Variants in MAPRE2 observed in about 807,000 individuals in gnomAD.
MAPRE2 encodes microtubule associated protein RP/EB family member 2, also known as microtubule-associated protein RP/EB family member 2.
MAPRE2 carries 13 observed loss-of-function variants against 43.2 expected under a neutral mutation model. That is an observed-to-expected ratio of 0.30 (90% CI 0.20 to 0.48). MAPRE2 has a LOEUF of 0.48. Among genes scored for constraint, MAPRE2 ranks in the 20% least tolerant of loss-of-function variants. The pLI, the probability that MAPRE2 is intolerant of heterozygous loss-of-function variation, is 0.99. For missense variants in MAPRE2, 161 were observed against 400.2 expected, an observed-to-expected ratio of 0.40 and a Z score of 5.10; for synonymous variants, 135 against 148.8, an observed-to-expected ratio of 0.91 and a Z score of 0.68.
At chr18:35,075,343 C>G (rs1907297547) in intron 2 of MAPRE2, among the ~76,000 whole-genome samples, 1 of 152,152 alleles carries the variant, frequency 6.6e-6, no homozygotes, top group Middle Eastern at 3.2e-3. Flanking sequence ...ATAGGTTGAT[C>G]CCAGCCTCGT....
In MAPRE2 at chr18:35,063,956, C is replaced by T. The variant is rs191728350; in HGVS notation, c.123-6239C>T. On this transcript the variant is annotated intron_variant, in intron 1 of 6. Transcript: ENST00000300249. Reference sequence around the variant, plus strand: ...GAGCCTGCAGTGAGCTATGATGGCACCACTGCACTCCAGCCTGGACTGCCG... The same window carrying T: ...GAGCCTGCAGTGAGCTATGATGGCATCACTGCACTCCAGCCTGGACTGCCG... Among the ~76,000 whole-genome samples, 10 of 141,562 alleles carry T rather than the reference C, an allele frequency of 7.1e-5. No homozygotes were observed. The East Asian group carries it at 2.1e-3, about 30-fold the overall frequency. The allele number at this position is 141,562 out of a possible 152,430, so 92.9% of individuals were successfully genotyped here.
chr18:34,997,833 A>G (rs550592939), intron 1 of MAPRE2, among the ~76,000 whole-genome samples: 1 of 152,346 alleles, frequency 6.6e-6, no homozygotes, highest in Admixed American at 6.5e-5. Context: ...ATAAACAATC[A>G]AAATGAATTA....
intron 1 of MAPRE2, among the ~76,000 whole-genome samples, chr18:34,988,408 G>A (rs968571444): frequency 6.6e-6 from 1 of 152,050 alleles, no homozygotes; most frequent in Admixed American, 6.6e-5. Flanking sequence ...CTGCTAACTG[G>A]GTGACTTTAG....
chr18:35,045,222 AGC>A (rs1905560057), intron 1 of MAPRE2, among the ~76,000 whole-genome samples: 1 of 152,212 alleles, frequency 6.6e-6, no homozygotes, highest in Non-Finnish European at 1.5e-5. Flanking sequence ...TAATTCACAG[AGC>A]GAATGAGTCG....
In MAPRE2 at chr18:34,978,603, T is replaced by G. The variant is rs1169845703; in HGVS notation, c.-70+1524T>G. 5 of 1,463,208 alleles carry G rather than the reference T, an allele frequency of 3.4e-6. No individual in the cohort carries two copies. The African/African-American group carries it at 5.6e-5, about 16-fold the overall frequency. 90.6% of individuals were successfully genotyped at this position (1,463,208 alleles called of 1,614,324 possible). The stretch of plus-strand genomic sequence containing the variant: ...CTGAACGCTAAATTTGGCCAAATTT[T>G]TATCAAGCAAAAAGGGGTATGGCTC... On this transcript the variant is annotated intron_variant, in intron 1 of 7. Transcript: ENST00000413393.
chr18:35,131,594 C>G (rs1004904659), intron 5 of MAPRE2, among the ~76,000 whole-genome samples: 1 of 152,156 alleles, frequency 6.6e-6, no homozygotes, highest in Non-Finnish European at 1.5e-5. Flanking sequence ...AACCCCATGA[C>G]AGCCACCTCC....
intron 6 of MAPRE2, among the ~76,000 whole-genome samples, chr18:35,139,605 A>G (rs1282046336): frequency 6.6e-6 from 1 of 152,234 alleles, no homozygotes; most frequent in Non-Finnish European, 1.5e-5. Flanking sequence ...GTCTAAGTAG[A>G]TGTCCCAAAG....
intron 2 of MAPRE2, among the ~76,000 whole-genome samples, chr18:35,020,130 A>T (rs542530107): frequency 1.3e-5 from 2 of 152,248 alleles, no homozygotes; most frequent in East Asian, 3.9e-4. Context: ...TTCTAAAATT[A>T]GCTGTGCTTC....
intron 6 of MAPRE2, among the ~76,000 whole-genome samples, chr18:35,136,249 T>TC (rs1163676431): frequency 6.6e-6 from 1 of 152,186 alleles, no homozygotes; most frequent in Non-Finnish European, 1.5e-5. Context: ...GGTTACCTGC[T>TC]CCCTGTGGAT....
At chr18:34,996,247 G>A (rs1451952475) in intron 1 of MAPRE2, among the ~76,000 whole-genome samples, 1 of 152,110 alleles carries the variant, frequency 6.6e-6, no homozygotes, top group Non-Finnish European at 1.5e-5. Flanking sequence ...CAGTTTTGTG[G>A]AAGACAATTT....
chr18:35,097,701 C>CTGTTGGGATATCA, intron 3 of MAPRE2, 110 bp downstream of exon 3: 2 of 923,136 alleles, frequency 2.2e-6, no homozygotes, highest in Non-Finnish European at 3.3e-6. Context: ...GATATCCCAA[C>CTGTTGGGATATCA]AGTAGGCTGG....
At chr18:35,113,460 T>G (rs578250327) in intron 4 of MAPRE2, among the ~76,000 whole-genome samples, 1 of 152,020 alleles carries the variant, frequency 6.6e-6, no homozygotes, top group African/African-American at 2.4e-5. Context: ...GTATGTACAT[T>G]GTTTTTTAAA....
rs760492138 is a variant in MAPRE2 at position 35,005,533 on chromosome 18, G to T, written c.-28G>T. 5.8e-6 allele frequency: 9 copies of T among 1,543,708 alleles called. 1 individual carries two copies. In the South Asian group the frequency reaches 1.1e-4, roughly 19 times the overall value. ...GGAACAGTTCATTTCAACAGCCAGG[G>T]AGAAAGCCTGGATGCTCAAGGTAAG... On this transcript the variant is annotated 5_prime_UTR_variant, in exon 2 of 8. Transcript: ENST00000413393.
intron 2 of MAPRE2, among the ~76,000 whole-genome samples, chr18:35,031,021 C>T (rs192362093): frequency 9.2e-5 from 14 of 152,312 alleles, no homozygotes; most frequent in Admixed American, 6.5e-4. Context: ...GGAATGTCTA[C>T]CCTGGTCACC....
intron 2 of MAPRE2, among the ~76,000 whole-genome samples, chr18:35,023,332 GA>G (rs1282018651): frequency 6.6e-6 from 1 of 151,818 alleles, no homozygotes; most frequent in African/African-American, 2.4e-5. Context: ...TGAACACTGT[GA>G]AACCCCGTCT....
chr18:35,075,881 TG>T (rs1476301097), intron 2 of MAPRE2, among the ~76,000 whole-genome samples: 1 of 152,100 alleles, frequency 6.6e-6, no homozygotes, highest in East Asian at 1.9e-4. Context: ...AGTTTATTTT[TG>T]GAGCAGGATA....
chr18:35,131,982 TTATAC>T (rs1323122555), intron 5 of MAPRE2, 45 bp from the exon 6 acceptor site: 3 of 1,583,636 alleles, frequency 1.9e-6, no homozygotes, highest in Non-Finnish European at 2.6e-6. Context: ...TGGTCATGTC[TTATAC>T]TATATTTTGG....
At chr18:35,126,400 A>G (rs560384522) in intron 4 of MAPRE2, among the ~76,000 whole-genome samples, 13 of 152,298 alleles carry the variant, frequency 8.5e-5, no homozygotes, top group South Asian at 6.2e-4. Flanking sequence ...AAGCCCTTTT[A>G]TTGCAGAATA....
At chr18:35,059,684 A>G (rs924471327) in intron 1 of MAPRE2, among the ~76,000 whole-genome samples, 1 of 152,282 alleles carries the variant, frequency 6.6e-6, no homozygotes, top group East Asian at 1.9e-4. Flanking sequence ...GGAAGCGGCC[A>G]CTTCAGAAGT....
Sources: allele counts gnomAD v4.1 joint callset (sites outside exome capture counted in the v4.1 genomes callset), GRCh38; gene constraint gnomAD v4.1.1; transcripts MANE v1.5; gene names NCBI Gene and HGNC (gene_info 2026-07-23, HGNC 2026-07-21).